The following ZNF777 variants were observed in gnomAD, a reference collection of about 807,000 sequenced individuals.
ZNF777 encodes the protein zinc finger protein 777.
In ZNF777, 7 loss-of-function variants were observed where a neutral mutation model predicts 72.1. That is an observed-to-expected ratio of 0.10 (90% CI 0.06 to 0.18). ZNF777 has a LOEUF of 0.18. ZNF777 is among the 10% of genes least tolerant of loss of function. The pLI, the probability that ZNF777 is intolerant of heterozygous loss-of-function variation, is 1.00. For missense variants in ZNF777, 828 were observed against 1,128.6 expected (o/e 0.73, Z 3.82); for synonymous variants, 545 against 483.5 (o/e 1.13, Z -1.67).
At chr7:149,442,198 C>T (rs1472611927) in intron 4 of ZNF777, among the ~76,000 whole-genome samples, 3 of 123,834 alleles carry the variant, frequency 2.4e-5, no homozygotes, top group African/African-American at 6.4e-5. Context: ...GCTTGGGCGA[C>T]AGAGTGAGAC....
chr7:149,448,499 AT>A (rs1799646778), intron 4 of ZNF777, among the ~76,000 whole-genome samples: 4 of 133,714 alleles, frequency 3.0e-5, no homozygotes, highest in African/African-American at 9.0e-5. Flanking sequence ...ATATATATAT[AT>A]ATATATATAT....
Position 149,431,649 on chromosome 7 carries a change from A to C in ZNF777, c.*127T>G. On this transcript the variant is annotated 3_prime_UTR_variant, in exon 6 of 6. Transcript: ENST00000247930. ...TGTCCTTGGGAGGAGGGACGAGAGG[A>C]GAGGGGGAGCTCACGGCAAAGGGGC... 1.2e-6 allele frequency: 1 copy of C among 858,440 alleles called. No individual in the cohort carries two copies. The allele number at this position is 858,440 out of a possible 1,614,324, so 53.2% of individuals were successfully genotyped here. A position where few individuals can be genotyped will look rare whatever the true frequency, so the allele number is the denominator to read the frequency against.
At chr7:149,440,842 C>G (rs1193784888) in intron 4 of ZNF777, among the ~76,000 whole-genome samples, 1 of 151,902 alleles carries the variant, frequency 6.6e-6, no homozygotes, top group Non-Finnish European at 1.5e-5. Flanking sequence ...TGGGGAGTAC[C>G]CTTGTCCCCT....
At position 149,455,726 on chromosome 7, in the gene ZNF777, G is replaced by A; in HGVS notation, c.297C>T (p.Ser99=). Residue 99 remains serine, a synonymous_variant, in exon 2 of 6, where the codon TCC becomes TCT. Transcript: ENST00000247930. This position sits in a 1 kb window ranked among gnomAD's most constrained non-coding sequence, Gnocchi z 4.2. ...QETSLQGPLA[S]QEGTQYPPPA... ...GGGGTGGATACTGGGTCCCTTCCTG[G>A]GAAGCCAGGGGGCCCTGGAGAGAAG... 6.3e-7 allele frequency: 1 copy of A among 1,579,872 alleles called. No individual in the cohort carries two copies. The highest frequency in any genetic ancestry group is 2.2e-5 in the East Asian group (1 of 44,564).
At chr7:149,449,221 C>T (rs893277721) in intron 4 of ZNF777, among the ~76,000 whole-genome samples, 5 of 152,200 alleles carry the variant, frequency 3.3e-5, no homozygotes, top group Admixed American at 3.3e-4. Flanking sequence ...ATGTCCTCCC[C>T]TTTCCTCCCA....
intron 5 of ZNF777, among the ~76,000 whole-genome samples, chr7:149,434,334 A>G (rs973881892): frequency 2.0e-5 from 3 of 152,140 alleles, no homozygotes; most frequent in Non-Finnish European, 4.4e-5. Context: ...TACAGTGGTA[A>G]AATTAGGACA....
chr7:149,457,882 G>A (rs1799863437), intron 1 of ZNF777, among the ~76,000 whole-genome samples: 1 of 152,198 alleles, frequency 6.6e-6, no homozygotes, highest in Admixed American at 6.5e-5. Context: ...GGAAGACACT[G>A]GGGACAGGAG....
rs754066603 is a variant in ZNF777 at position 149,432,720 on chromosome 7, G to C, written c.1552C>G (p.Pro518Ala). Residue 518 changes from proline to alanine, a missense_variant, in exon 6 of 6, where the codon CCC becomes GCC. This residue lies in a region of ZNF777 where 219 missense variants were observed against 223.0 expected (regional missense o/e 0.98). Coordinates refer to ENST00000247930, the MANE Select transcript of ZNF777 (RefSeq NM_015694.3). Reference protein sequence around the residue: ...LGNPAVKRLAPSVHGERHLSE... With the variant: ...LGNPAVKRLAASVHGERHLSE... ...AGGTGCCGCTCACCGTGCACGGAGG[G>C]CGCCAGCCTTTTCACTGCGGGGTTT... 2 of 1,612,046 alleles carry C rather than the reference G, an allele frequency of 1.2e-6. No homozygotes were observed. The highest frequency in any genetic ancestry group is 8.5e-7 in the Non-Finnish European group (1 of 1,178,960).
In ZNF777 at chr7:149,436,714, G is replaced by T; in HGVS notation, c.1200C>A (p.Asp400Glu). The change falls in exon 5 of 6, where the codon GAC becomes GAA. Residue 400 changes from aspartate to glutamate, a missense_variant. Physicochemically the swap from Asp to Glu is conservative, Grantham distance 45 (BLOSUM62 2). Transcript: ENST00000247930. This position sits in a 1 kb window ranked among gnomAD's most constrained non-coding sequence, Gnocchi z 5.0. ...CCCCACAGGGGTCACCCAGCTCTGA[G>T]TCCTGGAAGCCGTGCTCTTCCACCT... ...MGQVEEHGFQ[D>E]SELGDPCGEQ... The T allele has an allele frequency of 6.2e-7, 1 of 1,614,170 alleles. No individual in the cohort carries two copies. The highest frequency in any genetic ancestry group is 8.5e-7 in the Non-Finnish European group (1 of 1,180,042).
intron 4 of ZNF777, among the ~76,000 whole-genome samples, chr7:149,446,519 A>T (rs952902928): frequency 3.3e-5 from 5 of 152,196 alleles, no homozygotes; most frequent in Admixed American, 6.5e-5. Context: ...AGAACATTTT[A>T]AAAAACATAG....
chr7:149,449,319 C>G (rs1417586414), intron 4 of ZNF777, among the ~76,000 whole-genome samples: 1 of 152,240 alleles, frequency 6.6e-6, no homozygotes, highest in Non-Finnish European at 1.5e-5. Context: ...CCGCTTCTTC[C>G]AGCAGAAGCT....
Position 149,454,121 on chromosome 7 carries a change from C to A in ZNF777, c.963G>T (p.Leu321=), listed in dbSNP as rs767568141. ...AAGGCTTCTCCTTACCCATGGAAAC[C>A]AGGGACTCGTAGTTGCCCCTCATCA... ...KNVMRGNYES[L]VSMDYAISKP... is the part of the protein sequence containing the mutation. Residue 321 remains leucine, a synonymous_variant, in exon 3 of 6, where the codon CTG becomes CTT. Coordinates refer to ENST00000247930, the MANE Select transcript of ZNF777 (RefSeq NM_015694.3). 2 of 1,614,226 alleles carry A rather than the reference C, an allele frequency of 1.2e-6. No individual in the cohort carries two copies. The highest frequency in any genetic ancestry group is 1.7e-6 in the Non-Finnish European group (2 of 1,180,034).
rs1409817622 is a variant in ZNF777 at position 149,436,383 on chromosome 7, T to C, written c.1339+192A>G. Among the ~76,000 whole-genome samples, 2 of 152,264 alleles carry C rather than the reference T, an allele frequency of 1.3e-5. No individual in the cohort carries two copies. The highest frequency in any genetic ancestry group is 1.5e-5 in the Non-Finnish European group (1 of 68,010). On this transcript the variant is annotated intron_variant, in intron 5 of 5. Coordinates refer to ENST00000247930, the MANE Select transcript of ZNF777 (RefSeq NM_015694.3). The surrounding 1 kb of genome is among the most constrained non-coding windows in gnomAD (Gnocchi z 5.0). ...TAGATGTAACCACTTCTTTCCTAGGTTGGAGACGGATTCTTACAAGTCCCG... is the reference window on the plus strand; with the variant it reads ...TAGATGTAACCACTTCTTTCCTAGGCTGGAGACGGATTCTTACAAGTCCCG...
intron 3 of ZNF777, among the ~76,000 whole-genome samples, 168 bp from the exon 4 acceptor site, chr7:149,451,280 G>GGGGTGT (rs1244639099): frequency 6.6e-6 from 1 of 152,090 alleles, no homozygotes; most frequent in Admixed American, 6.6e-5. Context: ...TGTGGGTGTG[G>GGGGTGT]GGGTGTGGGT....
chr7:149,460,100 G>C lies in ZNF777; in HGVS notation c.-16+715C>G, dbSNP rs935100638. 13 of 980,736 alleles carry C rather than the reference G, an allele frequency of 1.3e-5. No individual in the cohort carries two copies. In the African/African-American group the frequency reaches 2.3e-4, roughly 17 times the overall value. 60.8% of individuals were successfully genotyped at this position (980,736 alleles called of 1,614,324 possible). On this transcript the variant is annotated intron_variant, in intron 1 of 5. Coordinates refer to ENST00000247930, the MANE Select transcript of ZNF777 (RefSeq NM_015694.3). This position sits in a 1 kb window ranked among gnomAD's most constrained non-coding sequence, Gnocchi z 6.1. ...CCCGGGGCCCCGAGGCCGCGCGTCC[G>C]TGCGCGCGCGGGCCGCCCTCACAGG...
intron 4 of ZNF777, among the ~76,000 whole-genome samples, chr7:149,437,159 C>T (rs530188313): frequency 6.6e-6 from 1 of 152,252 alleles, no homozygotes; most frequent in Admixed American, 6.5e-5. Flanking sequence ...CACCCAGGCT[C>T]GAGTGCTGTG....
At chr7:149,453,578 G>C (rs542534941) in intron 3 of ZNF777, among the ~76,000 whole-genome samples, 1 of 152,234 alleles carries the variant, frequency 6.6e-6, no homozygotes, top group South Asian at 2.1e-4. Flanking sequence ...CATGAAATAA[G>C]CATTTAACCT....
chr7:149,440,665 GTTTTTTTGTTTTTT>G (rs768373806), intron 4 of ZNF777, among the ~76,000 whole-genome samples: 1,935 of 88,408 alleles, frequency 0.022, 50 homozygotes, highest in African/African-American at 0.098. Flanking sequence ...GCAGCCTGTT[GTTTTTTTGTTTTTT>G]TTTTTTTTTT....
At position 149,454,094 on chromosome 7, in the gene ZNF777, C is replaced by T. The variant is rs774414842; in HGVS notation, c.973+17G>A. 9 of 1,613,932 alleles carry T rather than the reference C, an allele frequency of 5.6e-6. No homozygotes were observed. The highest frequency in any genetic ancestry group is 1.1e-5 in the South Asian group (1 of 91,060). On this transcript the variant is annotated intron_variant, in intron 3 of 5. Coordinates refer to ENST00000247930, the MANE Select transcript of ZNF777 (RefSeq NM_015694.3). The stretch of plus-strand genomic sequence containing the variant: ...TGGCGTCCAGGCAGCCCCCAGCGAG[C>T]GAAGGCTTCTCCTTACCCATGGAAA...
Sources: allele counts gnomAD v4.1 joint callset (sites outside exome capture counted in the v4.1 genomes callset), GRCh38; gene constraint gnomAD v4.1.1; regional missense constraint gnomAD v4.1.1; non-coding constraint Gnocchi (gnomAD v3.1); transcripts MANE v1.5; gene names NCBI Gene and HGNC (gene_info 2026-07-23, HGNC 2026-07-21).